The following TUBGCP3 variants were observed in gnomAD, a reference collection of about 807,000 sequenced individuals.
The protein encoded by TUBGCP3 is tubulin gamma complex component 3.
In TUBGCP3, 50 loss-of-function variants were observed where a neutral mutation model predicts 123.1. That is an observed-to-expected ratio of 0.41 (90% CI 0.32 to 0.51). TUBGCP3 has a LOEUF of 0.51. TUBGCP3 is among the 20% of genes least tolerant of loss of function. The probability of loss-of-function intolerance (pLI) is 0.36; values close to 1 mark genes in which losing one functional copy is unlikely to be tolerated. For synonymous variants in TUBGCP3, 405 were observed against 413.9 expected (o/e 0.98, Z 0.26); for missense variants, 882 against 1,127.0 (o/e 0.78, Z 3.11).
intron 19 of TUBGCP3, among the ~76,000 whole-genome samples, chr13:112,500,465 CA>C (rs1880830557): frequency 6.6e-6 from 1 of 152,250 alleles, no homozygotes; most frequent in African/African-American, 2.4e-5. Context: ...ATGAAAGAAA[CA>C]AAACTGGTTT....
At chr13:112,604,971 A>T in the TUBGCP3 span, 1 of 152,202 alleles carries the variant, frequency 6.6e-6, no homozygotes, top group Non-Finnish European at 1.5e-5. Context: ...TTACATTTTT[A>T]AATTCTTCGC....
chr13:112,568,587 G>A (rs1377282643), intron 2 of TUBGCP3, among the ~76,000 whole-genome samples: 2 of 152,210 alleles, frequency 1.3e-5, no homozygotes, highest in Admixed American at 6.5e-5. Context: ...TGTTATTACT[G>A]AGACCCAAGG....
chr13:112,531,812 T>C (rs1017982146), intron 11 of TUBGCP3, among the ~76,000 whole-genome samples: 14 of 152,070 alleles, frequency 9.2e-5, no homozygotes, highest in Non-Finnish European at 1.5e-4. Flanking sequence ...TATAGAGTTA[T>C]AGAGGGAAAA....
At chr13:112,590,241 G>T (rs1882858945), upstream of TUBGCP3, among the ~76,000 whole-genome samples, 1 of 152,154 alleles carries the variant, frequency 6.6e-6, no homozygotes, top group African/African-American at 2.4e-5. Context: ...CTCCCAAAGT[G>T]CTGGGATTAC....
chr13:112,543,034 C>T (rs1297797029), intron 11 of TUBGCP3, among the ~76,000 whole-genome samples: 1 of 152,152 alleles, frequency 6.6e-6, no homozygotes, highest in African/African-American at 2.4e-5. Flanking sequence ...CCTGTAGTTC[C>T]AGCTACTTGG....
chr13:112,556,379 A>G (rs1220470058), intron 5 of TUBGCP3, among the ~76,000 whole-genome samples, 155 bp from the exon 6 acceptor site: 4 of 152,168 alleles, frequency 2.6e-5, no homozygotes, highest in Non-Finnish European at 4.4e-5. Flanking sequence ...GAATATATCA[A>G]TAACAGACAG....
chr13:112,584,600 C>A (rs1318541780), intron 1 of TUBGCP3, among the ~76,000 whole-genome samples: 4 of 152,214 alleles, frequency 2.6e-5, no homozygotes, highest in Non-Finnish European at 5.9e-5. Flanking sequence ...CTGATAGTGG[C>A]TTGTAGGACA....
chr13:112,531,602 T>G (rs944485486), intron 11 of TUBGCP3, among the ~76,000 whole-genome samples: 1 of 152,164 alleles, frequency 6.6e-6, no homozygotes, highest in African/African-American at 2.4e-5. Flanking sequence ...ATAGTTGGAG[T>G]ACAGCCGGAT....
In TUBGCP3 at chr13:112,556,153, A is replaced by C. The variant is rs1467092140; in HGVS notation, c.620T>G (p.Leu207Ter). The C allele has an allele frequency of 1.2e-6, 2 of 1,614,120 alleles. No homozygotes were observed. The highest frequency in any genetic ancestry group is 1.7e-6 in the Non-Finnish European group (2 of 1,180,012). ...TTGTGAAGAAGGCTGATTTGCAGTT[A>C]AAGTCCATGCGAGTCGTGACCCCAA... ...QQLGSRLAWT[L>*]TANQPSSQAT... Residue 207 changes from leucine (L) to a stop codon, truncating the protein, a stop_gained, in exon 6 of 22, where the codon TTA (leucine) becomes TGA (stop). Coordinates refer to ENST00000261965, the MANE Select transcript of TUBGCP3 (RefSeq NM_006322.6). LOFTEE classifies it high-confidence loss of function.
At chr13:112,528,030 G>T (rs1254027445) in intron 11 of TUBGCP3, among the ~76,000 whole-genome samples, 2 of 152,356 alleles carry the variant, frequency 1.3e-5, no homozygotes, top group African/African-American at 4.8e-5. Context: ...CTGTAGAAGT[G>T]ACCCCTGTGT....
intron 8 of TUBGCP3, among the ~76,000 whole-genome samples, 197 bp downstream of exon 8, chr13:112,553,860 C>G (rs988184336): frequency 6.6e-6 from 1 of 152,232 alleles, no homozygotes; most frequent in Admixed American, 6.5e-5. Flanking sequence ...AGTTCCTGAG[C>G]CAACCTGCTG....
At chr13:112,530,656 G>A (rs1031067003) in intron 11 of TUBGCP3, among the ~76,000 whole-genome samples, 4 of 152,100 alleles carry the variant, frequency 2.6e-5, no homozygotes, top group Non-Finnish European at 4.4e-5. Flanking sequence ...AATTCCCCTC[G>A]TAATCCATGG....
chr13:112,604,617 T>C, the TUBGCP3 span: 1 of 152,204 alleles, frequency 6.6e-6, no homozygotes, highest in Non-Finnish European at 1.5e-5. Flanking sequence ...TTTTATTTCA[T>C]TGGCAAAAAT....
At chr13:112,588,402 G>A (rs1407623432), upstream of TUBGCP3, among the ~76,000 whole-genome samples, 5 of 152,238 alleles carry the variant, frequency 3.3e-5, no homozygotes, top group Non-Finnish European at 7.3e-5. Flanking sequence ...TTTGGTGTGT[G>A]GGTGTGGGGG....
At position 112,547,746 on chromosome 13, in the gene TUBGCP3, G is replaced by T; in HGVS notation, c.1042C>A (p.Leu348Ile). The T allele has an allele frequency of 6.7e-7, 1 of 1,484,156 alleles. No homozygotes were observed. Among genetic ancestry groups the T allele is most frequent in the Non-Finnish European group, 9.0e-7 (1 of 1,113,648 alleles). The allele number at this position is 1,484,156 out of a possible 1,614,324, so 91.9% of individuals were successfully genotyped here. Reference sequence around the variant, plus strand: ...AAATTCACACCCTGGTCATCCTCTAGTTGTAGCTAAAAAACAATAAAGATA... The same window carrying T: ...AAATTCACACCCTGGTCATCCTCTATTTGTAGCTAAAAAACAATAAAGATA... ...LLSVLHSQLQ[L>I]EDDQGVNLGL... is the part of the protein sequence containing the mutation. The change falls in exon 10 of 22, where the codon CTA becomes ATA. Residue 348 changes from leucine to isoleucine, a missense_variant. Coordinates refer to ENST00000261965, the MANE Select transcript of TUBGCP3 (RefSeq NM_006322.6).
At position 112,522,690 on chromosome 13, in the gene TUBGCP3, C is replaced by T. The variant is rs535297346; in HGVS notation, c.1556-181G>A. ...AGGAGACCAGAGCCCTAAGACCACA[C>T]ACATGAAAACAATTCTGCCAGCTGG... On this transcript the variant is annotated intron_variant, in intron 13 of 21. Transcript: ENST00000261965. Among the ~76,000 whole-genome samples, 6 of 152,318 alleles carry T rather than the reference C, an allele frequency of 3.9e-5. No individual in the cohort carries two copies. The East Asian group carries it at 1.2e-3, about 29-fold the overall frequency.
intron 9 of TUBGCP3, 100 bp downstream of exon 9, chr13:112,548,008 T>A: frequency 1.0e-6 from 1 of 977,508 alleles, no homozygotes; most frequent in Non-Finnish European, 1.5e-6. Context: ...ATTGCTGTAT[T>A]TTAAAAGTAA....
At chr13:112,494,278 C>T (rs1019170659) in intron 20 of TUBGCP3, among the ~76,000 whole-genome samples, 12 of 152,208 alleles carry the variant, frequency 7.9e-5, no homozygotes, top group Admixed American at 6.5e-4. Context: ...GTCCTGAGTT[C>T]GGCACTGGTT....
chr13:112,567,774 C>A (rs564802054), intron 2 of TUBGCP3, among the ~76,000 whole-genome samples: 22 of 152,212 alleles, frequency 1.4e-4, no homozygotes, highest in Non-Finnish European at 3.1e-4. Flanking sequence ...CCATCCAGTG[C>A]AGTCACACAG....
Sources: gnomAD v4.1 joint callset for allele counts (sites outside exome capture counted in the v4.1 genomes callset) on GRCh38, gnomAD v4.1.1 for gene constraint, MANE v1.5 for transcripts, NCBI Gene and HGNC (gene_info 2026-07-23, HGNC 2026-07-21) for gene names.